The following CDCA3 variants were observed in gnomAD, a reference collection of about 807,000 sequenced individuals.
CDCA3 encodes cell division cycle-associated protein 3.
Under a neutral mutation model 29.1 loss-of-function variants are expected in CDCA3, and 16 were observed. That is an observed-to-expected ratio of 0.55 (90% CI 0.37 to 0.83). The LOEUF is 0.83. CDCA3 is among the 40% of genes least tolerant of loss of function. The probability of loss-of-function intolerance (pLI) is 0.00; values close to 1 mark genes in which losing one functional copy is unlikely to be tolerated. For synonymous variants in CDCA3, 88 were observed against 124.5 expected, an observed-to-expected ratio of 0.71 and a Z score of 1.95; for missense variants, 291 against 327.2, an observed-to-expected ratio of 0.89 and a Z score of 0.85.
At chr12:6,848,560 A>C (rs1555125313), downstream of CDCA3, 1 of 153,366 alleles carries the variant, frequency 6.5e-6, no homozygotes, top group African/African-American at 2.4e-5. Context: ...TTTTAGACAA[A>C]CTGACTTTGA....
chr12:6,849,539 C>G lies in CDCA3; in HGVS notation c.544+26G>C, dbSNP rs782499608. ...CAAAACATTATCCTAGTTTATCTTC[C>G]CTGCATCTTGCCTTAGATTCTGTAC... On this transcript the variant is annotated intron_variant, in intron 4 of 5. Coordinates refer to ENST00000538862, the MANE Select transcript of CDCA3 (RefSeq NM_031299.7). This position sits in a 1 kb window ranked among gnomAD's most constrained non-coding sequence, Gnocchi z 5.2. 28 of 1,590,448 alleles carry G rather than the reference C, an allele frequency of 1.8e-5. No individual in the cohort carries two copies. Among genetic ancestry groups the G allele is most frequent in the Non-Finnish European group, 2.3e-5 (27 of 1,166,152 alleles).
downstream of CDCA3, chr12:6,846,937 C>A (rs539025632): frequency 1.7e-6 from 2 of 1,154,072 alleles, no homozygotes; most frequent in South Asian, 1.3e-5. Flanking sequence ...AGTGAACACA[C>A]TCAGCAGCCC....
At position 6,849,853 on chromosome 12, in the gene CDCA3, G is replaced by C. The variant is rs781862723; in HGVS notation, c.256C>G (p.Pro86Ala). 15 of 1,533,382 alleles carry C rather than the reference G, an allele frequency of 9.8e-6. No individual in the cohort carries two copies. The South Asian group carries it at 1.5e-4, about 16-fold the overall frequency. 95.0% of individuals were successfully genotyped at this position (1,533,382 alleles called of 1,614,324 possible). The change falls in exon 4 of 6, where the codon CCA becomes GCA. Residue 86 changes from proline to alanine, a missense_variant. Physicochemically the swap from Pro to Ala is conservative, Grantham distance 27. Coordinates refer to ENST00000538862, the MANE Select transcript of CDCA3 (RefSeq NM_031299.7). This position sits in a 1 kb window ranked among gnomAD's most constrained non-coding sequence, Gnocchi z 5.2. The stretch of plus-strand genomic sequence containing the variant: ...CTCAGCTGTTTCACCAGTGGGCTTG[G>C]GGGGTCTAGAGGAAGAAAGTGAAGT... The part of the protein sequence containing the change: ...TPMKTSSGDP[P>A]SPLVKQLSEV...
Position 6,850,410 on chromosome 12 carries a change from C to T in CDCA3, c.250+57G>A. The T allele has an allele frequency of 1.2e-6, 2 of 1,608,102 alleles. No homozygotes were observed. Among genetic ancestry groups the T allele is most frequent in the Non-Finnish European group, 1.7e-6 (2 of 1,175,576 alleles). ...ACCCTGAGAGAATGGCTTCATGGAC[C>T]CTACCCAAGAATAATAGATGACAGC... On this transcript the variant is annotated intron_variant, in intron 3 of 5. Transcript: ENST00000538862. The surrounding 1 kb of genome is among the most constrained non-coding windows in gnomAD (Gnocchi z 4.7).
downstream of CDCA3, chr12:6,846,491 C>G (rs1018895378): frequency 3.1e-5 from 9 of 289,356 alleles, no homozygotes; most frequent in Non-Finnish European, 5.2e-5. Context: ...CAGCCCTCCC[C>G]CAACCAAAGC....
chr12:6,850,634 A>T lies in CDCA3; in HGVS notation c.121-38T>A, dbSNP rs1943841489. On this transcript the variant is annotated intron_variant, in intron 2 of 5. Transcript: ENST00000538862. This position sits in a 1 kb window ranked among gnomAD's most constrained non-coding sequence, Gnocchi z 4.7. ...TAGGCTAGAACAAGTCTGGGCCCTG[A>T]CTCTTCTCTCCTCTCCTCCCCATAT... The T allele has an allele frequency of 1.2e-6, 2 of 1,612,508 alleles. No individual in the cohort carries two copies. The highest frequency in any genetic ancestry group is 1.3e-5 in the African/African-American group (1 of 74,600).
At chr12:6,845,845 C>A, downstream of CDCA3, 1 of 1,285,266 alleles carries the variant, frequency 7.8e-7, no homozygotes, top group Non-Finnish European at 1.1e-6. Flanking sequence ...CTGGAAGGAC[C>A]CTCCCCAGCC....
chr12:6,845,593 C>T, downstream of CDCA3: 1 of 1,609,784 alleles, frequency 6.2e-7, no homozygotes, highest in African/African-American at 1.3e-5. Flanking sequence ...CAGTTCTTCC[C>T]CAATGGAGAG....
downstream of CDCA3, chr12:6,847,411 T>C (rs1261923028): frequency 1.9e-5 from 3 of 156,610 alleles, no homozygotes; most frequent in Non-Finnish European, 2.8e-5. Flanking sequence ...GATGTTTGCC[T>C]TCTACTCTCT....
rs782067953 is a variant in CDCA3, at chr12:6,849,193, C to T, written c.657G>A (p.Lys219=). The T allele has an allele frequency of 1.9e-5, 31 of 1,614,028 alleles. 1 individual carries two copies. The South Asian group carries it at 3.3e-4, about 17-fold the overall frequency. Residue 219 remains lysine (K), a synonymous_variant, in exon 6 of 6, where the codon AAG becomes AAA. Transcript: ENST00000538862. This position sits in a 1 kb window ranked among gnomAD's most constrained non-coding sequence, Gnocchi z 5.2. ...SPGTLTLRQG[K]RPSPLSENVS... is the part of the protein sequence containing the mutation. ...CATTTTCACTTAGGGGTGAAGGCCG[C>T]TTACCCTGAAAACGGCAGTGTATGA...
At chr12:6,846,947 C>T (rs1591594349), downstream of CDCA3, 1 of 979,412 alleles carries the variant, frequency 1.0e-6, no homozygotes, top group Admixed American at 2.0e-5. Context: ...CTCAGCAGCC[C>T]CCTGCCCGAC....
At chr12:6,845,523 G>C (rs1943670505), downstream of CDCA3, 6 of 1,125,546 alleles carry the variant, frequency 5.3e-6, no homozygotes, top group Non-Finnish European at 7.9e-6. Flanking sequence ...GGAGGCAGAG[G>C]GCGGGAGAGG....
rs1943799623 is a variant in CDCA3 at position 6,849,943 on chromosome 12, T to C, written c.251-85A>G. 2 of 1,222,318 alleles carry C rather than the reference T, an allele frequency of 1.6e-6. No homozygotes were observed. Among genetic ancestry groups the C allele is most frequent in the Non-Finnish European group, 2.2e-6 (2 of 899,246 alleles). 75.7% of individuals were successfully genotyped at this position (1,222,318 alleles called of 1,614,324 possible). On this transcript the variant is annotated intron_variant, in intron 3 of 5. Transcript: ENST00000538862. The surrounding 1 kb of genome is among the most constrained non-coding windows in gnomAD (Gnocchi z 5.2). ...AAAACATACAGAAACCCAGGACTCA[T>C]GCCCAGGAGGGTGAGCAAGTGGGAA...
At chr12:6,845,272 G>T (rs1164471979), downstream of CDCA3, 6 of 344,668 alleles carry the variant, frequency 1.7e-5, no homozygotes, top group Non-Finnish European at 3.3e-5. Flanking sequence ...TGTGTAGTCT[G>T]GGAGTCTGGG....
In CDCA3 at chr12:6,850,614, T is replaced by G. The variant is rs782385891; in HGVS notation, c.121-18A>C. On this transcript the variant is annotated intron_variant, in intron 2 of 5. Transcript: ENST00000538862. The surrounding 1 kb of genome is among the most constrained non-coding windows in gnomAD (Gnocchi z 4.7). ...CTCTCCACCTGTCAAGACCATAGGC[T>G]AGAACAAGTCTGGGCCCTGACTCTT... The G allele has an allele frequency of 6.2e-7, 1 of 1,614,080 alleles. No homozygotes were observed. Among genetic ancestry groups the G allele is most frequent in the East Asian group, 2.2e-5 (1 of 44,886 alleles).
At chr12:6,845,607 A>C (rs782139880), downstream of CDCA3, 1 of 1,612,056 alleles carries the variant, frequency 6.2e-7, no homozygotes, top group African/African-American at 1.3e-5. Context: ...TGGAGAGGCC[A>C]TCTGCACGGG....
rs1555126280 is a variant in CDCA3 at position 6,850,790 on chromosome 12, G to A, written c.120+43C>T. ...AAAATCAGGTTAGGAAGAGACCCAAGAATTCAGACATTCTCTGCCTTTCCC... is the reference window on the plus strand; with the variant it reads ...AAAATCAGGTTAGGAAGAGACCCAAAAATTCAGACATTCTCTGCCTTTCCC... On this transcript the variant is annotated intron_variant, in intron 2 of 5. Transcript: ENST00000538862. The surrounding 1 kb of genome is among the most constrained non-coding windows in gnomAD (Gnocchi z 4.7). 1.2e-6 allele frequency: 2 copies of A among 1,606,632 alleles called. No homozygotes were observed. Among genetic ancestry groups the A allele is most frequent in the Non-Finnish European group, 1.7e-6 (2 of 1,175,758 alleles).
downstream of CDCA3, chr12:6,846,599 A>T (rs1374763389): frequency 9.9e-6 from 5 of 505,540 alleles, no homozygotes; most frequent in African/African-American, 1.9e-5. Context: ...GGATCCCTGC[A>T]TGCATGTGCT....
downstream of CDCA3, among the ~76,000 whole-genome samples, chr12:6,847,801 G>A (rs1943736145): frequency 6.6e-6 from 1 of 152,116 alleles, no homozygotes; most frequent in African/African-American, 2.4e-5. Context: ...AGCAGTGTAG[G>A]TTGATGAAAG....
Sources: allele counts gnomAD v4.1 joint callset (sites outside exome capture counted in the v4.1 genomes callset), GRCh38; gene constraint gnomAD v4.1.1; non-coding constraint Gnocchi (gnomAD v3.1); transcripts MANE v1.5; gene names NCBI Gene and HGNC (gene_info 2026-07-23, HGNC 2026-07-21).